CLUL1: variants seen among roughly 807,000 people sequenced by gnomAD.
CLUL1 encodes the protein clusterin-like protein 1.
Under a neutral mutation model 49.4 loss-of-function variants are expected in CLUL1, and 43 were observed. The ratio of observed to expected loss-of-function variants is 0.87; its 90% CI spans 0.68 to 1.12. The LOEUF is 1.12. Among genes scored for constraint, CLUL1 ranks in the 50% most tolerant of loss-of-function variants. The pLI, the probability that CLUL1 is intolerant of heterozygous loss-of-function variation, is 0.00. For synonymous variants in CLUL1, 192 were observed against 184.9 expected, an observed-to-expected ratio of 1.04 and a Z score of -0.31; for missense variants, 486 against 544.4, an observed-to-expected ratio of 0.89 and a Z score of 1.07.
At position 641,452 on chromosome 18, in the gene CLUL1, C is replaced by T. The variant is rs758004577; in HGVS notation, c.1120C>T (p.Leu374=). 6.2e-7 allele frequency: 1 copy of T among 1,614,238 alleles called. No homozygotes were observed. The highest frequency in any genetic ancestry group is 8.5e-7 in the Non-Finnish European group (1 of 1,180,048). ...GAAGCACTTGGAGGACACCGCCTAT[C>T]TGGTGGAGAAGATGAGAGGGCAATT... ...TRKHLEDTAY[L]VEKMRGQFGW... The change falls in exon 8 of 10, where the codon CTG becomes TTG. Residue 374 remains leucine, a synonymous_variant. Coordinates refer to ENST00000692774, the MANE Select transcript of CLUL1 (RefSeq NM_001393344.1).
chr18:597,955 C>A (rs2072704015), intron 1 of CLUL1: 1 of 152,212 alleles, frequency 6.6e-6, no homozygotes. Flanking sequence ...TCTAGCTTAG[C>A]CTACTTTCCA....
At chr18:601,057 G>A (rs2072814510) in intron 1 of CLUL1, among the ~76,000 whole-genome samples, 1 of 152,112 alleles carries the variant, frequency 6.6e-6, no homozygotes, top group Admixed American at 6.5e-5. Context: ...ATTACTTCGT[G>A]CCTCAAAAAT....
intron 2 of CLUL1, among the ~76,000 whole-genome samples, chr18:609,113 T>A (rs1245903671): frequency 6.6e-6 from 1 of 152,206 alleles, no homozygotes; most frequent in Non-Finnish European, 1.5e-5. Flanking sequence ...CAAAATTCAT[T>A]TATGTTTCAT....
At chr18:632,308 A>G (rs1021423559) in intron 6 of CLUL1, among the ~76,000 whole-genome samples, 2 of 149,294 alleles carry the variant, frequency 1.3e-5, no homozygotes, top group African/African-American at 5.0e-5. Context: ...ACACACACAT[A>G]CTCGCACACA....
rs190966026 is a variant in CLUL1, at chr18:632,233, C to G, written c.857-1065C>G. On this transcript the variant is annotated intron_variant, in intron 6 of 9. Transcript: ENST00000692774. ...TCCTAGGGGAAAAAACTTCTCAAAA[C>G]TTGATTGGCTTTAGATATTTTCCTA... Among the ~76,000 whole-genome samples the G allele has an allele frequency of 1.5e-3, 225 of 152,234 alleles. 5 individuals carry two copies. In the South Asian group the frequency reaches 0.029, roughly 20 times the overall value.
At position 645,029 on chromosome 18, in the gene CLUL1, G is replaced by A. The variant is rs376831820; in HGVS notation, c.1329G>A (p.Glu443=). 2 of 1,613,300 alleles carry A rather than the reference G, an allele frequency of 1.2e-6. No homozygotes were observed. Among genetic ancestry groups the A allele is most frequent in the African/African-American group, 2.7e-5 (2 of 74,894 alleles). ...AGATCCCTCTTGAAGAAAGTGCTGA[G>A]AGTTCTAACTTCATTGGCTACGTAG... ...TLKIPLEESA[E]SSNFIGYVVA... Residue 443 remains glutamate (E), a synonymous_variant, in exon 9 of 10, where the codon GAG becomes GAA. Coordinates refer to ENST00000692774, the MANE Select transcript of CLUL1 (RefSeq NM_001393344.1).
intron 6 of CLUL1, among the ~76,000 whole-genome samples, chr18:632,141 T>C (rs2074008444): frequency 6.6e-6 from 1 of 152,240 alleles, no homozygotes; most frequent in South Asian, 2.1e-4. Flanking sequence ...AAACACTCTA[T>C]TGGGAACCGC....
rs1050813379 is a variant in CLUL1 at position 638,440 on chromosome 18, T to A, written c.995-2887T>A. ...GATAATGGACACAGTATACATCAGA[T>A]AATACAGTACAAATTCAATGAAAGT... On this transcript the variant is annotated intron_variant, in intron 7 of 9. Transcript: ENST00000692774. 1.3e-5 allele frequency among the ~76,000 whole-genome samples: 2 copies of A among 152,244 alleles called. 1 individual carries two copies. The highest frequency in any genetic ancestry group is 4.1e-4 in the South Asian group (2 of 4,836).
chr18:618,139 G>T lies in CLUL1; in HGVS notation c.106+33G>T. 4.0e-6 allele frequency: 6 copies of T among 1,499,140 alleles called. No individual in the cohort carries two copies. The highest frequency in any genetic ancestry group is 5.6e-6 in the Non-Finnish European group (6 of 1,076,300). 92.9% of individuals were successfully genotyped at this position (1,499,140 alleles called of 1,614,324 possible). A position where few individuals can be genotyped will look rare whatever the true frequency, so the allele number is the denominator to read the frequency against. The stretch of plus-strand genomic sequence containing the variant: ...TGGTTTCTTATCTGTGCTGTGTCCT[G>T]TTTGCATGTTGGTTGTCCTGCTGGC... On this transcript the variant is annotated intron_variant, in intron 3 of 9. Coordinates refer to ENST00000692774, the MANE Select transcript of CLUL1 (RefSeq NM_001393344.1). This position sits in a 1 kb window ranked among gnomAD's most constrained non-coding sequence, Gnocchi z 4.2.
At chr18:616,498 C>T (rs2143988561) in intron 2 of CLUL1, among the ~76,000 whole-genome samples, 1 of 152,196 alleles carries the variant, frequency 6.6e-6, no homozygotes, top group African/African-American at 2.4e-5. Context: ...CCTATCAAAA[C>T]ACATTTGTAT....
intron 7 of CLUL1, among the ~76,000 whole-genome samples, chr18:636,915 C>G (rs999716312): frequency 6.6e-6 from 1 of 152,182 alleles, no homozygotes; most frequent in African/African-American, 2.4e-5. Context: ...GCGTGAGCCA[C>G]CATGCCCAGC....
At chr18:642,368 G>C in intron 8 of CLUL1, among the ~76,000 whole-genome samples, 1 of 152,146 alleles carries the variant, frequency 6.6e-6, no homozygotes, top group South Asian at 2.1e-4. Flanking sequence ...GAAGGCAGAG[G>C]TTGCAGTGAG....
At chr18:598,336 G>C (rs1330796679) in intron 1 of CLUL1, 8 of 387,410 alleles carry the variant, frequency 2.1e-5, no homozygotes, top group Non-Finnish European at 3.2e-5. Context: ...ACGATGATCT[G>C]TTTTTCCAGG....
At position 609,633 on chromosome 18, in the gene CLUL1, G is replaced by A. The variant is rs147507026; in HGVS notation, c.-14+2534G>A. Among the ~76,000 whole-genome samples the A allele has an allele frequency of 3.7e-3, 560 of 152,114 alleles. 4 individuals are homozygous for A. The highest frequency in any genetic ancestry group is 0.013 in the African/African-American group (536 of 41,472). ...GAGGTCAGGAGTTCAAAACCAGCCT[G>A]GCCAACATGGTGAAACCCTGTCTCT... On this transcript the variant is annotated intron_variant, in intron 2 of 9. Coordinates refer to ENST00000692774, the MANE Select transcript of CLUL1 (RefSeq NM_001393344.1).
At chr18:627,705 C>G in intron 6 of CLUL1, 176 bp downstream of exon 6, 1 of 508,602 alleles carries the variant, frequency 2.0e-6, no homozygotes, top group Non-Finnish European at 3.4e-6. Flanking sequence ...AAACACCATC[C>G]CTCTTCCATC....
rs1236621863 is a variant in CLUL1 at position 619,331 on chromosome 18, C to T, written c.225C>T (p.Ser75=). 1.2e-6 allele frequency: 2 copies of T among 1,613,334 alleles called. No homozygotes were observed. The highest frequency in any genetic ancestry group is 2.2e-5 in the East Asian group (1 of 44,838). ...RKEKEHTNLM[S]TLKKCREEKQ... is the part of the protein sequence containing the mutation. ...AGAAGGAACACACCAATCTAATGAGCACCCTGAAGAAATGCAGAGAAGAAA... is the reference window on the plus strand; with the variant it reads ...AGAAGGAACACACCAATCTAATGAGTACCCTGAAGAAATGCAGAGAAGAAA... The change falls in exon 4 of 10, where the codon AGC becomes AGT. Residue 75 remains serine (S), a synonymous_variant. Coordinates refer to ENST00000692774, the MANE Select transcript of CLUL1 (RefSeq NM_001393344.1).
At chr18:608,692 T>C (rs190304614) in intron 2 of CLUL1, among the ~76,000 whole-genome samples, 115 of 152,200 alleles carry the variant, frequency 7.6e-4, no homozygotes, top group African/African-American at 2.6e-3. Context: ...CACTCCAGCC[T>C]GGGCAACAGA....
intron 2 of CLUL1, among the ~76,000 whole-genome samples, chr18:615,651 G>A (rs375769204): frequency 7.9e-5 from 12 of 152,300 alleles, no homozygotes; most frequent in African/African-American, 2.9e-4. Context: ...GGCCAACCAT[G>A]CATCTTTCAG....
intron 9 of CLUL1, chr18:649,638 C>T (rs142610655): frequency 5.2e-5 from 20 of 385,338 alleles, no homozygotes; most frequent in Middle Eastern, 6.8e-4. Flanking sequence ...AGAATAAACA[C>T]TTTATTATCA....
Sources: allele counts gnomAD v4.1 joint callset (sites outside exome capture counted in the v4.1 genomes callset), GRCh38; gene constraint gnomAD v4.1.1; non-coding constraint Gnocchi (gnomAD v3.1); transcripts MANE v1.5; gene names NCBI Gene and HGNC (gene_info 2026-07-23, HGNC 2026-07-21).